Variants in CSMD3 observed in about 807,000 individuals in gnomAD.
CSMD3 encodes the protein CUB and sushi domain-containing protein 3.
CSMD3 carries 177 observed loss-of-function variants against 435.2 expected under a neutral mutation model. The ratio of observed to expected loss-of-function variants is 0.41; its 90% CI spans 0.36 to 0.46. The LOEUF is 0.46. CSMD3 is among the 20% of genes least tolerant of loss of function. CSMD3 has a pLI of 0.34. For missense variants in CSMD3, 4,265 were observed against 4,504.6 expected, an observed-to-expected ratio of 0.95 and a Z score of 1.52; for synonymous variants, 1,656 against 1,520.5, an observed-to-expected ratio of 1.09 and a Z score of -2.07.
intron 13 of CSMD3, among the ~76,000 whole-genome samples, chr8:112,739,689 T>G (rs1202931657): frequency 6.6e-6 from 1 of 151,776 alleles, no homozygotes; most frequent in African/African-American, 2.4e-5. Flanking sequence ...TAGAGCACAC[T>G]CATAATTATC....
intron 3 of CSMD3, among the ~76,000 whole-genome samples, chr8:113,219,467 C>A (rs1485796009): frequency 6.6e-6 from 1 of 150,756 alleles, no homozygotes; most frequent in Admixed American, 6.6e-5. Context: ...AATCTCATAC[C>A]AAAGTAACAA....
Position 112,313,986 on chromosome 8 carries a change from G to C in CSMD3, c.7616C>G (p.Thr2539Arg). The C allele has an allele frequency of 6.2e-7, 1 of 1,607,824 alleles. No homozygotes were observed. The highest frequency in any genetic ancestry group is 8.5e-7 in the Non-Finnish European group (1 of 1,174,622). ...AAGAAATACTTCATGACCATTGCTT[G>C]TTATATTAAAAGCAGATGAATAATC... ...SGDYSSAFNITSNGHEVFLQW... is the reference protein window; with the variant it reads ...SGDYSSAFNIRSNGHEVFLQW... The change falls in exon 49 of 71, where the codon ACA becomes AGA. Residue 2539 changes from threonine to arginine, a missense_variant. Physicochemically the swap from Thr to Arg is moderately conservative, Grantham distance 71. Transcript: ENST00000297405.
chr8:113,167,517 C>G (rs1316436194), intron 4 of CSMD3, among the ~76,000 whole-genome samples: 1 of 152,130 alleles, frequency 6.6e-6, no homozygotes, highest in Non-Finnish European at 1.5e-5. Flanking sequence ...ACTACTAAAA[C>G]AGTCTAATCA....
At chr8:112,499,143 T>A (rs900658493) in intron 30 of CSMD3, among the ~76,000 whole-genome samples, 3 of 151,986 alleles carry the variant, frequency 2.0e-5, no homozygotes, top group Non-Finnish European at 4.4e-5. Flanking sequence ...TTGACATTAT[T>A]AGGTAGCAAG....
intron 63 of CSMD3, among the ~76,000 whole-genome samples, chr8:112,247,504 T>A (rs1336633175): frequency 1.3e-5 from 2 of 152,042 alleles, no homozygotes; most frequent in African/African-American, 4.8e-5. Context: ...GATAAAAATA[T>A]ATATGGAAAT....
chr8:113,214,575 T>C lies in CSMD3; in HGVS notation c.515-40659A>G, dbSNP rs556883219. Among the ~76,000 whole-genome samples the C allele has an allele frequency of 2.6e-5, 4 of 152,056 alleles. No homozygotes were observed. In the South Asian group the frequency reaches 6.2e-4, roughly 24 times the overall value. On this transcript the variant is annotated intron_variant, in intron 3 of 70. Coordinates refer to ENST00000297405, the MANE Select transcript of CSMD3 (RefSeq NM_198123.2). ...AAAACAGTTCTAGGAAGATTCATTGTTTCTTTCCTTCACTATCTTCAAACT... is the reference window on the plus strand; with the variant it reads ...AAAACAGTTCTAGGAAGATTCATTGCTTCTTTCCTTCACTATCTTCAAACT...
At chr8:112,392,906 C>T (rs1432955851) in intron 35 of CSMD3, among the ~76,000 whole-genome samples, 10 of 142,424 alleles carry the variant, frequency 7.0e-5, no homozygotes, top group African/African-American at 2.6e-4. Context: ...GGCTTTGTCG[C>T]CTAGGCTGGA....
intron 4 of CSMD3, among the ~76,000 whole-genome samples, chr8:113,160,931 A>C (rs971111521): frequency 2.6e-5 from 4 of 152,110 alleles, no homozygotes; most frequent in Non-Finnish European, 5.9e-5. Context: ...GTTGAATCAA[A>C]ATACAACATG....
intron 22 of CSMD3, among the ~76,000 whole-genome samples, chr8:112,607,397 T>C (rs1455246422): frequency 6.6e-6 from 1 of 152,096 alleles, no homozygotes; most frequent in African/African-American, 2.4e-5. Context: ...TAGAATTTTA[T>C]TTAACATTTA....
In CSMD3 at chr8:113,174,421, C is replaced by T. The variant is rs186302428; in HGVS notation, c.515-505G>A. ...AATGGACAATTTTTAAAGTTAGGGA[C>T]GGTGAGCTAGAATTCCAACTCTATT... is the stretch of plus-strand genomic sequence containing the variant. On this transcript the variant is annotated intron_variant, in intron 3 of 70. Coordinates refer to ENST00000297405, the MANE Select transcript of CSMD3 (RefSeq NM_198123.2). Among the ~76,000 whole-genome samples, 441 of 152,058 alleles carry T rather than the reference C, an allele frequency of 2.9e-3. 1 individual carries two copies. Among genetic ancestry groups the T allele is most frequent in the Admixed American group, 5.5e-3 (84 of 15,270 alleles).
intron 59 of CSMD3, among the ~76,000 whole-genome samples, chr8:112,277,339 C>T (rs1818165556): frequency 6.6e-6 from 1 of 152,138 alleles, no homozygotes; most frequent in Non-Finnish European, 1.5e-5. Context: ...CAAAATGCTG[C>T]CAGTCTCTTT....
intron 59 of CSMD3, among the ~76,000 whole-genome samples, chr8:112,276,822 C>T (rs764976819): frequency 6.6e-6 from 1 of 152,148 alleles, no homozygotes; most frequent in East Asian, 1.9e-4. Context: ...AGCCTCAACA[C>T]CACATGGAAG....
At position 112,666,314 on chromosome 8, in the gene CSMD3, C is replaced by T. The variant is rs2131707270; in HGVS notation, c.2779G>A (p.Ala927Thr). The T allele has an allele frequency of 6.2e-7, 1 of 1,612,358 alleles. No individual in the cohort carries two copies. Among genetic ancestry groups the T allele is most frequent in the Non-Finnish European group, 8.5e-7 (1 of 1,178,932 alleles). Reference protein sequence around the residue: ...DSLNCEWVIEAEPGHSIKITF... With the variant: ...DSLNCEWVIETEPGHSIKITF... ...ATTTTGATAGAGTGTCCAGGTTCAG[C>T]TTCAATCACCCACTCACAATTCAAA... The change falls in exon 17 of 71, where the codon GCT becomes ACT. Residue 927 changes from alanine (A) to threonine (T), a missense_variant. By Grantham distance (58) the Ala-to-Thr change is moderately conservative. Coordinates refer to ENST00000297405, the MANE Select transcript of CSMD3 (RefSeq NM_198123.2).
At chr8:112,713,601 A>G (rs1036382734) in intron 13 of CSMD3, among the ~76,000 whole-genome samples, 2 of 152,048 alleles carry the variant, frequency 1.3e-5, no homozygotes, top group African/African-American at 4.8e-5. Context: ...ACATGAGAAG[A>G]TCAACCCCAA....
In CSMD3 at chr8:112,224,451, A is replaced by T. The variant is rs1356530005; in HGVS notation, c.*320T>A. On this transcript the variant is annotated 3_prime_UTR_variant, in exon 71 of 71. Coordinates refer to ENST00000297405, the MANE Select transcript of CSMD3 (RefSeq NM_198123.2). ...CCAGTCCCTCTAATATAGTTTATAA[A>T]GCACAGAAATACTGATAGTGGATGC... is the stretch of plus-strand genomic sequence containing the variant. 5 of 368,280 alleles carry T rather than the reference A, an allele frequency of 1.4e-5. No homozygotes were observed. Among genetic ancestry groups the T allele is most frequent in the Non-Finnish European group, 2.6e-5 (5 of 191,584 alleles). The allele number at this position is 368,280 out of a possible 1,614,324, so 22.8% of individuals were successfully genotyped here.
At chr8:112,663,332 T>G (rs1311804112) in intron 17 of CSMD3, among the ~76,000 whole-genome samples, 1 of 151,962 alleles carries the variant, frequency 6.6e-6, no homozygotes, top group Non-Finnish European at 1.5e-5. Context: ...TCATGTCCTT[T>G]GTAGGGACAT....
intron 36 of CSMD3, among the ~76,000 whole-genome samples, chr8:112,385,228 C>T (rs939951415): frequency 2.6e-5 from 4 of 152,164 alleles, no homozygotes; most frequent in African/African-American, 9.7e-5. Context: ...GCATATCATT[C>T]AAGGAAAGTT....
chr8:113,019,108 T>C lies in CSMD3; in HGVS notation c.989A>G (p.Asp330Gly). Residue 330 changes from aspartate to glycine, a missense_variant, in exon 6 of 71, where the codon GAC becomes GGC. Physicochemically the swap from Asp to Gly is moderately conservative, Grantham distance 94 (BLOSUM62 -1). Transcript: ENST00000297405. ...AAATCCACGGTATCGATGATTGCTG[T>C]CTGTAACAAAATGCAGTCTGAGCCA... Reference protein sequence around the residue: ...KNWLRLHFVTDSNHRYRGFSA... With the variant: ...KNWLRLHFVTGSNHRYRGFSA... The C allele has an allele frequency of 6.2e-7, 1 of 1,613,668 alleles. No homozygotes were observed. The highest frequency in any genetic ancestry group is 8.5e-7 in the Non-Finnish European group (1 of 1,179,600).
intron 26 of CSMD3, among the ~76,000 whole-genome samples, chr8:112,551,248 A>G (rs1827660623): frequency 1.3e-5 from 2 of 152,074 alleles, no homozygotes; most frequent in African/African-American, 4.8e-5. Flanking sequence ...TGACCCAATG[A>G]AATATGAATA....
Sources: allele counts gnomAD v4.1 joint callset (sites outside exome capture counted in the v4.1 genomes callset), GRCh38; gene constraint gnomAD v4.1.1; transcripts MANE v1.5; gene names NCBI Gene and HGNC (gene_info 2026-07-23, HGNC 2026-07-21).